AGAP1: variants seen among roughly 807,000 people sequenced by gnomAD.
The protein encoded by AGAP1 is ArfGAP with GTPase domain, ankyrin repeat and PH domain 1.
A neutral mutation model predicts 105.3 loss-of-function variants in AGAP1; 29 were observed. The observed-to-expected ratio is 0.28, with a 90% CI of 0.21 to 0.38. AGAP1 has a LOEUF of 0.38. Among genes scored for constraint, AGAP1 ranks in the 10% least tolerant of loss-of-function variants. The pLI is 1.00. For missense variants in AGAP1, 998 were observed against 1,165.1 expected, an observed-to-expected ratio of 0.86 and a Z score of 2.09; for synonymous variants, 509 against 485.9, an observed-to-expected ratio of 1.05 and a Z score of -0.63.
chr2:235,594,541 T>C (rs1403996018), intron 1 of AGAP1, among the ~76,000 whole-genome samples: 5 of 152,138 alleles, frequency 3.3e-5, no homozygotes, highest in Non-Finnish European at 7.3e-5. Flanking sequence ...TTATCAATTT[T>C]AAAGAAGAAT....
rs370976298 is a variant in AGAP1, at chr2:235,976,528, TTTTG to T, written c.1645+7921_1645+7924del. Among the ~76,000 whole-genome samples, 76 of 152,314 alleles carry T rather than the reference TTTTG, an allele frequency of 5.0e-4. No homozygotes were observed. The highest frequency in any genetic ancestry group is 1.6e-3 in the African/African-American group (66 of 41,576). On this transcript the variant is annotated intron_variant, in intron 13 of 17. Coordinates refer to ENST00000304032, the MANE Select transcript of AGAP1 (RefSeq NM_001037131.3). The surrounding 1 kb of genome is among the most constrained non-coding windows in gnomAD (Gnocchi z 4.5). ...CACAGAAGGATGTTTGTAGTGTGGTTTTTGTTTGTTTGTTTGTTTTAATTTTTTT... is the reference window on the plus strand; with the variant it reads ...CACAGAAGGATGTTTGTAGTGTGGTTTTTGTTTGTTTGTTTTAATTTTTTT...
intron 13 of AGAP1, among the ~76,000 whole-genome samples, chr2:236,018,284 G>A (rs888693641): frequency 2.0e-5 from 3 of 152,184 alleles, no homozygotes; most frequent in Non-Finnish European, 2.9e-5. Context: ...CAACCCAAGG[G>A]AGAATAAGAT....
At chr2:235,730,868 A>T (rs1023642536) in intron 3 of AGAP1, among the ~76,000 whole-genome samples, 16 of 152,006 alleles carry the variant, frequency 1.1e-4, no homozygotes, top group African/African-American at 3.9e-4. Context: ...GGTGGGGCCA[A>T]TCATTATGTG....
In AGAP1 at chr2:235,728,417, C is replaced by G. The variant is rs1424780051; in HGVS notation, c.310+10773C>G. Reference sequence around the variant, plus strand: ...TTTCATATGATTCCAATGGCTTAAACTAACAAATTCATGAATGATTGACCC... The same window carrying G: ...TTTCATATGATTCCAATGGCTTAAAGTAACAAATTCATGAATGATTGACCC... On this transcript the variant is annotated intron_variant, in intron 3 of 17. Coordinates refer to ENST00000304032, the MANE Select transcript of AGAP1 (RefSeq NM_001037131.3). This position sits in a 1 kb window ranked among gnomAD's most constrained non-coding sequence, Gnocchi z 4.3. Among the ~76,000 whole-genome samples the G allele has an allele frequency of 6.6e-6, 1 of 152,058 alleles. No individual in the cohort carries two copies. The highest frequency in any genetic ancestry group is 1.5e-5 in the Non-Finnish European group (1 of 68,034).
At chr2:235,924,777 G>A (rs1347353549) in intron 11 of AGAP1, among the ~76,000 whole-genome samples, 1 of 152,174 alleles carries the variant, frequency 6.6e-6, no homozygotes, top group Non-Finnish European at 1.5e-5. Context: ...GAGCACGTAA[G>A]CAAGCCTGTC....
intron 9 of AGAP1, among the ~76,000 whole-genome samples, chr2:235,836,318 A>C (rs1276476173): frequency 6.6e-6 from 1 of 152,212 alleles, no homozygotes; most frequent in Non-Finnish European, 1.5e-5. Flanking sequence ...AGTAATACTC[A>C]AATTAGAGCA....
At chr2:235,990,923 G>C (rs963332919) in intron 13 of AGAP1, among the ~76,000 whole-genome samples, 3 of 152,224 alleles carry the variant, frequency 2.0e-5, no homozygotes, top group African/African-American at 7.2e-5. Flanking sequence ...GGTGGGGCAA[G>C]GTTCTTTTCT....
chr2:236,097,380 CTTTTTTTTTTT>C (rs58882083), intron 16 of AGAP1, among the ~76,000 whole-genome samples: 12 of 48,670 alleles, frequency 2.5e-4, no homozygotes, highest in Admixed American at 6.2e-4. Context: ...TCATCCTAAT[CTTTTTTTTTTT>C]TTTTTTTTTT....
rs954024074 is a variant in AGAP1 at position 235,900,891 on chromosome 2, C to T, written c.1156-7847C>T. Among the ~76,000 whole-genome samples the T allele has an allele frequency of 6.6e-6, 1 of 152,212 alleles. No homozygotes were observed. Among genetic ancestry groups the T allele is most frequent in the African/African-American group, 2.4e-5 (1 of 41,456 alleles). ...GGAACGCAGTTCTGAAAGTGAAACA[C>T]TGGAATGCTTTTGGCTGTCTTGGGA... On this transcript the variant is annotated intron_variant, in intron 10 of 17. Coordinates refer to ENST00000304032, the MANE Select transcript of AGAP1 (RefSeq NM_001037131.3). This position sits in a 1 kb window ranked among gnomAD's most constrained non-coding sequence, Gnocchi z 5.5.
In AGAP1 at chr2:235,520,622, G is replaced by A. The variant is rs114461862; in HGVS notation, c.163+25773G>A. ...GTTAGCAGTCGGGACCAGTTAGCTC[G>A]TCAGAGGTTGCAAAATGATGATTTT... is the stretch of plus-strand genomic sequence containing the variant. On this transcript the variant is annotated intron_variant, in intron 1 of 17. Coordinates refer to ENST00000304032, the MANE Select transcript of AGAP1 (RefSeq NM_001037131.3). Among the ~76,000 whole-genome samples the A allele has an allele frequency of 1.5e-3, 231 of 152,222 alleles. 1 individual carries two copies. The highest frequency in any genetic ancestry group is 5.2e-3 in the African/African-American group (214 of 41,530).
intron 1 of AGAP1, among the ~76,000 whole-genome samples, chr2:235,649,410 A>G (rs1947505502): frequency 6.6e-6 from 1 of 152,208 alleles, no homozygotes; most frequent in Non-Finnish European, 1.5e-5. Flanking sequence ...TTCTCACTCT[A>G]CTGCTCAGGC....
At chr2:236,071,583 C>G (rs2058499014) in intron 16 of AGAP1, among the ~76,000 whole-genome samples, 1 of 152,260 alleles carries the variant, frequency 6.6e-6, no homozygotes, top group African/African-American at 2.4e-5. Context: ...GTAAACAGTT[C>G]AGCCAGTGTT....
At chr2:236,071,332 A>G (rs1288381050) in intron 16 of AGAP1, among the ~76,000 whole-genome samples, 1 of 152,240 alleles carries the variant, frequency 6.6e-6, no homozygotes, top group Non-Finnish European at 1.5e-5. Context: ...CCTGGCCTGC[A>G]GATGGCTTCC....
intron 13 of AGAP1, among the ~76,000 whole-genome samples, chr2:236,032,899 G>A (rs969169530): frequency 2.6e-5 from 4 of 152,166 alleles, no homozygotes; most frequent in Non-Finnish European, 4.4e-5. Flanking sequence ...CTAGACAAGG[G>A]AACTTTCTTC....
At chr2:235,952,631 T>C (rs557693205) in intron 12 of AGAP1, among the ~76,000 whole-genome samples, 57 of 152,332 alleles carry the variant, frequency 3.7e-4, no homozygotes, top group African/African-American at 1.3e-3. Context: ...GGAAATATTC[T>C]GTTTTGTTCC....
chr2:235,581,452 T>C (rs1002074364), intron 1 of AGAP1, among the ~76,000 whole-genome samples: 2 of 151,020 alleles, frequency 1.3e-5, no homozygotes, highest in East Asian at 1.9e-4. Context: ...ATTGTTCTTT[T>C]TTTTTTTTTT....
rs759020075 is a variant in AGAP1 at position 235,893,287 on chromosome 2, G to T, written c.1155+9838G>T. 4.0e-5 allele frequency among the ~76,000 whole-genome samples: 6 copies of T among 150,512 alleles called. No individual in the cohort carries two copies. Among genetic ancestry groups the T allele is most frequent in the Non-Finnish European group, 7.4e-5 (5 of 67,668 alleles). On this transcript the variant is annotated intron_variant, in intron 10 of 17. Coordinates refer to ENST00000304032, the MANE Select transcript of AGAP1 (RefSeq NM_001037131.3). This position sits in a 1 kb window ranked among gnomAD's most constrained non-coding sequence, Gnocchi z 4.7. The stretch of plus-strand genomic sequence containing the variant: ...AGGAAGCGCCGTGTCTGTAGCGTGG[G>T]TGTAGCGTGTCTGTGGCGCAGGTGT...
At chr2:236,110,542 G>A (rs1356771990) in intron 16 of AGAP1, among the ~76,000 whole-genome samples, 1 of 152,098 alleles carries the variant, frequency 6.6e-6, no homozygotes, top group African/African-American at 2.4e-5. Context: ...TAGTCTGGGT[G>A]ATAAAGCCAG....
intron 3 of AGAP1, among the ~76,000 whole-genome samples, chr2:235,735,642 G>A (rs1479884997): frequency 2.0e-5 from 3 of 152,072 alleles, no homozygotes; most frequent in South Asian, 4.2e-4. Context: ...CACGGTGAAC[G>A]CACCCACTTC....
Sources: allele counts gnomAD v4.1 joint callset (sites outside exome capture counted in the v4.1 genomes callset), GRCh38; gene constraint gnomAD v4.1.1; non-coding constraint Gnocchi (gnomAD v3.1); transcripts MANE v1.5; gene names NCBI Gene and HGNC (gene_info 2026-07-23, HGNC 2026-07-21).